Variants in CENPK observed in about 807,000 individuals in gnomAD.
The protein encoded by CENPK is centromere protein K.
CENPK carries 46 observed loss-of-function variants against 40.9 expected under a neutral mutation model. The ratio of observed to expected loss-of-function variants is 1.13; its 90% CI spans 0.89 to 1.44. The LOEUF is 1.44. Ranked by LOEUF, CENPK falls within the 40% of genes most tolerant of loss-of-function variation. CENPK has a pLI of 0.00. For synonymous variants in CENPK, 107 were observed against 104.4 expected (o/e 1.02, Z -0.15); for missense variants, 288 against 303.5 (o/e 0.95, Z 0.38).
chr5:65,554,586 T>G (rs1196367934), intron 3 of CENPK, among the ~76,000 whole-genome samples: 1 of 152,230 alleles, frequency 6.6e-6, no homozygotes, highest in African/African-American at 2.4e-5. Context: ...GTAATCTCCT[T>G]GGGAGCATGG....
At position 65,552,531 on chromosome 5, in the gene CENPK, G is replaced by A. The variant is rs775330841; in HGVS notation, c.130C>T (p.Leu44Phe). 1 of 1,543,728 alleles carries A rather than the reference G, an allele frequency of 6.5e-7. No homozygotes were observed. The highest frequency in any genetic ancestry group is 2.0e-5 in the Admixed American group (1 of 49,750). The change falls in exon 4 of 11, where the codon CTT becomes TTT. Residue 44 changes from leucine (L) to phenylalanine (F), a missense_variant. Physicochemically the swap from Leu to Phe is conservative, Grantham distance 22. Coordinates refer to ENST00000396679, the MANE Select transcript of CENPK (RefSeq NM_022145.5). ...DMEECQNKLS[L>F]IGTETLTDSN... is the part of the protein sequence containing the mutation. Reference sequence around the variant, plus strand: ...TCGGTGAGTGTTTCAGTTCCAATAAGTGATAATTTATTCTGACACTTGATT... The same window carrying A: ...TCGGTGAGTGTTTCAGTTCCAATAAATGATAATTTATTCTGACACTTGATT...
intron 6 of CENPK, among the ~76,000 whole-genome samples, chr5:65,530,460 TC>T (rs1260705922): frequency 2.0e-5 from 3 of 152,160 alleles, no homozygotes; most frequent in African/African-American, 7.2e-5. Flanking sequence ...AAAAGAATGT[TC>T]CAGGGAAAGG....
At chr5:65,510,786 AAAAG>A in the CENPK span, among the ~76,000 whole-genome samples, 24 of 151,980 alleles carry the variant, frequency 1.6e-4, no homozygotes, top group Middle Eastern at 3.4e-3. Flanking sequence ...CAAAAAAAAA[AAAAG>A]AAAGAAAGAA....
downstream of CENPK, among the ~76,000 whole-genome samples, chr5:65,516,966 C>T (rs145174424): frequency 9.5e-4 from 143 of 151,222 alleles, no homozygotes; most frequent in East Asian, 0.025. Context: ...TCTTTTGAGA[C>T]GGAGTTTTGC....
the CENPK span, among the ~76,000 whole-genome samples, chr5:65,496,008 GCACTCT>G: frequency 2.6e-5 from 4 of 152,304 alleles, no homozygotes; most frequent in Non-Finnish European, 5.9e-5. Context: ...TGTAATTCCA[GCACTCT>G]GGGAGGCCAA....
intron 9 of CENPK, among the ~76,000 whole-genome samples, chr5:65,524,221 CAA>C (rs35248965): frequency 5.0e-4 from 71 of 140,852 alleles, no homozygotes; most frequent in Admixed American, 4.2e-4. Flanking sequence ...TAAAAGCATA[CAA>C]AAAAAAAAAA....
chr5:65,557,164 C>A (rs748222607), intron 2 of CENPK, among the ~76,000 whole-genome samples: 5 of 152,258 alleles, frequency 3.3e-5, no homozygotes, highest in Admixed American at 1.3e-4. Flanking sequence ...GAGCATGATA[C>A]CCTGAAATCC....
intron 9 of CENPK, among the ~76,000 whole-genome samples, chr5:65,522,240 A>G (rs985593283): frequency 5.9e-5 from 9 of 152,166 alleles, no homozygotes; most frequent in Admixed American, 5.9e-4. Context: ...AGACTTAATC[A>G]TCTTTCTATA....
intron 6 of CENPK, among the ~76,000 whole-genome samples, chr5:65,531,010 G>A (rs1325711584): frequency 1.3e-5 from 2 of 152,022 alleles, no homozygotes; most frequent in Non-Finnish European, 2.9e-5. Context: ...GATAAATCAA[G>A]GCCAAGCCTG....
intron 9 of CENPK, among the ~76,000 whole-genome samples, chr5:65,525,433 T>A (rs1471339257): frequency 2.6e-5 from 4 of 152,166 alleles, no homozygotes; most frequent in East Asian, 1.9e-4. Context: ...GATCCAGCCA[T>A]CCATCAATCC....
At chr5:65,515,473 G>T (rs1027652679), downstream of CENPK, among the ~76,000 whole-genome samples, 2 of 152,022 alleles carry the variant, frequency 1.3e-5, no homozygotes, top group African/African-American at 4.8e-5. Context: ...CAAGTGCTGG[G>T]ATTACAGGCA....
At chr5:65,500,671 T>C in the CENPK span, among the ~76,000 whole-genome samples, 21 of 152,060 alleles carry the variant, frequency 1.4e-4, no homozygotes, top group Non-Finnish European at 2.6e-4. Context: ...CGGTTTTTTG[T>C]TTGTTTGTTT....
rs1005805824 is a variant in CENPK, at chr5:65,541,402, A to C, written c.288+1400T>G. On this transcript the variant is annotated intron_variant, in intron 6 of 10. Coordinates refer to ENST00000396679, the MANE Select transcript of CENPK (RefSeq NM_022145.5). Reference sequence around the variant, plus strand: ...CTGAAGTGAATTAAGAGGACACCCAACTGGTTTGTAGGAGAGAATCATCAT... The same window carrying C: ...CTGAAGTGAATTAAGAGGACACCCACCTGGTTTGTAGGAGAGAATCATCAT... The C allele has an allele frequency of 3.7e-4, 171 of 456,122 alleles. 1 individual carries two copies. Among genetic ancestry groups the C allele is most frequent in the Non-Finnish European group, 5.9e-4 (134 of 226,950 alleles). 28.3% of individuals were successfully genotyped at this position (456,122 alleles called of 1,614,324 possible).
rs377608156 is a variant in CENPK at position 65,551,577 on chromosome 5, T to G, written c.228A>C (p.Lys76Asn). Residue 76 changes from lysine (K) to asparagine (N), a missense_variant, in exon 5 of 11, where the codon AAA (lysine) becomes AAC (asparagine). By Grantham distance (94) the Lys-to-Asn change is moderately conservative. Coordinates refer to ENST00000396679, the MANE Select transcript of CENPK (RefSeq NM_022145.5). Reference protein sequence around the residue: ...CLTAELSQWQKKTPETIPLTE... With the variant: ...CLTAELSQWQNKTPETIPLTE... ...TAAGAATCTTACTTTCAGGTGTTTT[T>G]TTCTGCCATTGACTGAGTTCAGCGG... 1.7e-5 allele frequency: 27 copies of G among 1,556,212 alleles called. No individual in the cohort carries two copies. In the African/African-American group the frequency reaches 3.2e-4, roughly 18 times the overall value.
chr5:65,554,210 C>T (rs909886718), intron 3 of CENPK, among the ~76,000 whole-genome samples: 1 of 151,180 alleles, frequency 6.6e-6, no homozygotes, highest in Non-Finnish European at 1.5e-5. Flanking sequence ...GGCACTATCT[C>T]GGCTCACTGC....
the CENPK span, among the ~76,000 whole-genome samples, chr5:65,502,964 A>G: frequency 1.3e-5 from 2 of 150,782 alleles, no homozygotes; most frequent in Non-Finnish European, 3.0e-5. Flanking sequence ...ATGCCTGGCT[A>G]ATTTTTGTAT....
At chr5:65,535,435 T>A (rs1035240426) in intron 6 of CENPK, among the ~76,000 whole-genome samples, 4 of 152,206 alleles carry the variant, frequency 2.6e-5, no homozygotes, top group African/African-American at 4.8e-5. Context: ...TTGGGTCACA[T>A]GGCACCAGCT....
At chr5:65,530,273 G>A (rs867932120) in intron 6 of CENPK, among the ~76,000 whole-genome samples, 3 of 151,868 alleles carry the variant, frequency 2.0e-5, no homozygotes, top group South Asian at 2.1e-4. Flanking sequence ...GAATCCAGAC[G>A]TTTACTCCAG....
chr5:65,512,945 T>C (rs760779231), downstream of CENPK, among the ~76,000 whole-genome samples: 13 of 152,238 alleles, frequency 8.5e-5, no homozygotes, highest in Non-Finnish European at 1.8e-4. Flanking sequence ...GTTGAACAAC[T>C]TTTTCATGCT....
Sources: allele counts gnomAD v4.1 joint callset (sites outside exome capture counted in the v4.1 genomes callset), GRCh38; gene constraint gnomAD v4.1.1; transcripts MANE v1.5; gene names NCBI Gene and HGNC (gene_info 2026-07-23, HGNC 2026-07-21).